Variants in CAMSAP1 observed in about 807,000 individuals in gnomAD.
CAMSAP1 encodes the protein calmodulin-regulated spectrin-associated protein 1.
A neutral mutation model predicts 143.5 loss-of-function variants in CAMSAP1; 58 were observed. The ratio of observed to expected loss-of-function variants is 0.40; its 90% CI spans 0.33 to 0.50. The LOEUF is 0.50. CAMSAP1 is among the 20% of genes least tolerant of loss of function. The pLI, the probability that CAMSAP1 is intolerant of heterozygous loss-of-function variation, is 0.45. For synonymous variants in CAMSAP1, 945 were observed against 859.3 expected (o/e 1.10, Z -1.74); for missense variants, 1,969 against 2,115.7 (o/e 0.93, Z 1.36).
chr9:135,867,117 G>T (rs893155731), intron 3 of CAMSAP1, among the ~76,000 whole-genome samples: 3 of 152,142 alleles, frequency 2.0e-5, no homozygotes, highest in African/African-American at 7.2e-5. Context: ...ACTCAGCAGT[G>T]CTTAAAGGGG....
intron 1 of CAMSAP1, among the ~76,000 whole-genome samples, chr9:135,891,214 G>C (rs970500091): frequency 6.6e-6 from 1 of 152,242 alleles, no homozygotes; most frequent in African/African-American, 2.4e-5. Flanking sequence ...GCCTGACCCA[G>C]CTGGCTGCAG....
At chr9:135,870,304 G>A (rs1391710304) in intron 3 of CAMSAP1, among the ~76,000 whole-genome samples, 2 of 152,118 alleles carry the variant, frequency 1.3e-5, no homozygotes, top group African/African-American at 4.8e-5. Flanking sequence ...CCCCACTCTT[G>A]CTTGCTCTCT....
At chr9:135,900,144 G>A (rs1838574062) in intron 1 of CAMSAP1, among the ~76,000 whole-genome samples, 1 of 151,926 alleles carries the variant, frequency 6.6e-6, no homozygotes, top group Non-Finnish European at 1.5e-5. Flanking sequence ...TCCCACCTCA[G>A]CCTCCCAAGC....
chr9:135,857,011 G>A (rs1344265042), intron 5 of CAMSAP1, among the ~76,000 whole-genome samples: 1 of 152,208 alleles, frequency 6.6e-6, no homozygotes, highest in African/African-American at 2.4e-5. Flanking sequence ...GACTGTGGCT[G>A]AGGAATCTGG....
At chr9:135,837,702 C>CA (rs1836134405) in intron 7 of CAMSAP1, among the ~76,000 whole-genome samples, 1 of 148,528 alleles carries the variant, frequency 6.7e-6, no homozygotes, top group Admixed American at 6.7e-5. Flanking sequence ...AGACACACGT[C>CA]ACCACGCACG....
At chr9:135,865,523 G>C (rs1837344175) in intron 4 of CAMSAP1, among the ~76,000 whole-genome samples, 1 of 152,198 alleles carries the variant, frequency 6.6e-6, no homozygotes, top group South Asian at 2.1e-4. Flanking sequence ...CCATAGTCAT[G>C]TTGTATTAGC....
At chr9:135,874,045 G>A (rs1837652801) in intron 3 of CAMSAP1, among the ~76,000 whole-genome samples, 1 of 152,142 alleles carries the variant, frequency 6.6e-6, no homozygotes, top group South Asian at 2.1e-4. Flanking sequence ...TTGTCCTGGG[G>A]ATGAAAGGGC....
At chr9:135,836,762 C>G in intron 7 of CAMSAP1, 1 of 980,496 alleles carries the variant, frequency 1.0e-6, no homozygotes, top group Non-Finnish European at 1.2e-6. Flanking sequence ...TTGTCACGTA[C>G]CTTCTACCCT....
intron 7 of CAMSAP1, among the ~76,000 whole-genome samples, chr9:135,837,885 T>C (rs1319818733): frequency 7.6e-4 from 95 of 124,472 alleles, no homozygotes; most frequent in East Asian, 2.7e-3. Flanking sequence ...ACGCACTTTC[T>C]ACCCGTTCTA....
intron 5 of CAMSAP1, among the ~76,000 whole-genome samples, chr9:135,857,972 G>GA (rs1198430239): frequency 2.0e-5 from 3 of 152,170 alleles, no homozygotes; most frequent in African/African-American, 7.2e-5. Flanking sequence ...GGGCATGTGA[G>GA]GAGAAAGGCA....
At chr9:135,901,575 A>T (rs2131029843) in intron 1 of CAMSAP1, among the ~76,000 whole-genome samples, 1 of 152,210 alleles carries the variant, frequency 6.6e-6, no homozygotes, top group South Asian at 2.1e-4. Flanking sequence ...TGATCATGCC[A>T]CTGTACTCCA....
In CAMSAP1 at chr9:135,882,626, C is replaced by T. The variant is rs1285563560; in HGVS notation, c.423+190G>A. On this transcript the variant is annotated intron_variant, in intron 2 of 16. Transcript: ENST00000389532. The surrounding 1 kb of genome is among the most constrained non-coding windows in gnomAD (Gnocchi z 4.9). ...AAGAGCTCAATGAAAGCTCTCTTTT[C>T]CCCATTCTCCACAACAGTCATGTGC... Among the ~76,000 whole-genome samples the T allele has an allele frequency of 6.6e-6, 1 of 152,228 alleles. No homozygotes were observed. Among genetic ancestry groups the T allele is most frequent in the African/African-American group, 2.4e-5 (1 of 41,454 alleles).
chr9:135,814,849 C>A lies in CAMSAP1; in HGVS notation c.4506+248G>T, dbSNP rs1835173467. 9.2e-5 allele frequency among the ~76,000 whole-genome samples: 14 copies of A among 152,216 alleles called. 1 individual carries two copies. Among genetic ancestry groups the A allele is most frequent in the Admixed American group, 9.2e-4 (14 of 15,288 alleles). ...GTCTTTCCTCAGCCCAGAGGCACCA[C>A]ATGAGGATGTAGCCTCTGAACCCTG... On this transcript the variant is annotated intron_variant, in intron 16 of 16. Coordinates refer to ENST00000389532, the MANE Select transcript of CAMSAP1 (RefSeq NM_015447.4).
rs1375813690 is a variant in CAMSAP1 at position 135,809,236 on chromosome 9, A to G, written c.*2073T>C. The G allele has an allele frequency of 6.6e-6, 1 of 152,224 alleles. No homozygotes were observed. The highest frequency in any genetic ancestry group is 1.5e-5 in the Non-Finnish European group (1 of 68,048). 9.4% of individuals were successfully genotyped at this position (152,224 alleles called of 1,614,324 possible). On this transcript the variant is annotated 3_prime_UTR_variant, in exon 17 of 17. Coordinates refer to ENST00000389532, the MANE Select transcript of CAMSAP1 (RefSeq NM_015447.4). ...CGCAGGGACGCTTCTGTCAATCATT[A>G]GGCGAACACTGGCCTGGGGACTTGG...
chr9:135,812,555 G>T (rs552538072), intron 16 of CAMSAP1, among the ~76,000 whole-genome samples: 2 of 152,096 alleles, frequency 1.3e-5, no homozygotes, highest in African/African-American at 4.8e-5. Flanking sequence ...CTTTTTATGA[G>T]GATGAAAATG....
Position 135,882,747 on chromosome 9 carries a change from A to C in CAMSAP1, c.423+69T>G. On this transcript the variant is annotated intron_variant, in intron 2 of 16. Coordinates refer to ENST00000389532, the MANE Select transcript of CAMSAP1 (RefSeq NM_015447.4). The surrounding 1 kb of genome is among the most constrained non-coding windows in gnomAD (Gnocchi z 4.9). ...ACCGTGTTCACACCATCCATGCACC[A>C]GGTGCGCCACACGAGAGCCCACGGC... 6.7e-7 allele frequency: 1 copy of C among 1,496,956 alleles called. No homozygotes were observed. Among genetic ancestry groups the C allele is most frequent in the Non-Finnish European group, 8.9e-7 (1 of 1,120,304 alleles). 92.7% of individuals were successfully genotyped at this position (1,496,956 alleles called of 1,614,324 possible).
At chr9:135,848,507 A>ACACACACACACACGCT (rs1357071771) in intron 7 of CAMSAP1, among the ~76,000 whole-genome samples, 2 of 102,522 alleles carry the variant, frequency 2.0e-5, no homozygotes, top group Non-Finnish European at 4.3e-5. Context: ...AGCCCCAGAC[A>ACACACACACACACGCT]CACACACACA....
intron 7 of CAMSAP1, among the ~76,000 whole-genome samples, chr9:135,828,664 C>T (rs1835757355): frequency 6.6e-6 from 1 of 152,210 alleles, no homozygotes; most frequent in South Asian, 2.1e-4. Context: ...CAGAGGAGGG[C>T]TTCCCTCCCT....
intron 7 of CAMSAP1, among the ~76,000 whole-genome samples, chr9:135,838,725 C>T (rs913175126): frequency 1.5e-4 from 23 of 148,444 alleles, no homozygotes; most frequent in Non-Finnish European, 3.0e-4. Context: ...TACAGACACA[C>T]ATCATCATGC....
Sources: allele counts gnomAD v4.1 joint callset (sites outside exome capture counted in the v4.1 genomes callset), GRCh38; gene constraint gnomAD v4.1.1; non-coding constraint Gnocchi (gnomAD v3.1); transcripts MANE v1.5; gene names NCBI Gene and HGNC (gene_info 2026-07-23, HGNC 2026-07-21).